Variants in GBE1 observed in about 807,000 individuals in gnomAD.
GBE1 encodes 1,4-alpha-glucan branching enzyme 1, also known as 1,4-alpha-glucan-branching enzyme.
In GBE1, 70 loss-of-function variants were observed where a neutral mutation model predicts 88.8. The ratio of observed to expected loss-of-function variants is 0.79; its 90% CI spans 0.65 to 0.96. The LOEUF is 0.96. Ranked by LOEUF, GBE1 falls within the 40% of genes least tolerant of loss-of-function variation. The pLI, the probability that GBE1 is intolerant of heterozygous loss-of-function variation, is 0.00. For synonymous variants in GBE1, 284 were observed against 300.1 expected, an observed-to-expected ratio of 0.95 and a Z score of 0.56; for missense variants, 872 against 871.0, an observed-to-expected ratio of 1.00 and a Z score of -0.01.
At chr3:81,721,220 T>TAAATAAAC (rs1706026910) in intron 1 of GBE1, among the ~76,000 whole-genome samples, 2 of 68,084 alleles carry the variant, frequency 2.9e-5, no homozygotes, top group African/African-American at 8.1e-5. Context: ...AATAAATAAA[T>TAAATAAAC]AAATAAATAA....
At chr3:81,649,106 A>C in intron 4 of GBE1, 115 bp from the exon 5 acceptor site, 7 of 715,496 alleles carry the variant, frequency 9.8e-6, no homozygotes, top group Non-Finnish European at 1.5e-5. Context: ...AACTATTCTC[A>C]CATATAAAAG....
intron 1 of GBE1, among the ~76,000 whole-genome samples, chr3:81,736,253 AT>A (rs1706256512): frequency 6.6e-6 from 1 of 152,166 alleles, no homozygotes; most frequent in Non-Finnish European, 1.5e-5. Flanking sequence ...TAATAAATGT[AT>A]TGTGCCATTT....
At position 81,755,917 on chromosome 3, in the gene GBE1, T is replaced by C. The variant is rs2680242; in HGVS notation, c.143+5458A>G. Among the ~76,000 whole-genome samples the C allele has an allele frequency of 8.1e-3, 1,238 of 152,152 alleles. 13 individuals are homozygous for C. The highest frequency in any genetic ancestry group is 0.029 in the African/African-American group (1,182 of 41,446). On this transcript the variant is annotated intron_variant, in intron 1 of 15. Transcript: ENST00000429644. ...AATGGTAAAAATGGTGAATTATATATGTACATTTTACCTCAATACAATTTT... is the reference window on the plus strand; with the variant it reads ...AATGGTAAAAATGGTGAATTATATACGTACATTTTACCTCAATACAATTTT...
intron 15 of GBE1, among the ~76,000 whole-genome samples, chr3:81,497,732 A>C (rs1046156650): frequency 2.6e-5 from 4 of 152,136 alleles, no homozygotes; most frequent in African/African-American, 9.7e-5. Flanking sequence ...TCCATCAGTG[A>C]AAGTTCAGTT....
intron 12 of GBE1, among the ~76,000 whole-genome samples, chr3:81,543,971 T>C (rs1356801945): frequency 6.6e-6 from 1 of 152,186 alleles, no homozygotes; most frequent in Non-Finnish European, 1.5e-5. Flanking sequence ...TTGGGGCTCA[T>C]GCATTTCTAA....
At chr3:81,643,620 AC>A (rs1180339921) in intron 6 of GBE1, among the ~76,000 whole-genome samples, 1 of 152,174 alleles carries the variant, frequency 6.6e-6, no homozygotes, top group African/African-American at 2.4e-5. Context: ...TAAAATTTTG[AC>A]ATTATAGTCA....
chr3:81,704,163 ATATAATT>A (rs1185942809), intron 2 of GBE1, among the ~76,000 whole-genome samples: 1 of 151,928 alleles, frequency 6.6e-6, no homozygotes. Context: ...TACTAGGTAA[ATATAATT>A]TATTATTAAA....
At chr3:81,663,672 C>G (rs1419436456) in intron 3 of GBE1, among the ~76,000 whole-genome samples, 1 of 152,168 alleles carries the variant, frequency 6.6e-6, no homozygotes, top group Non-Finnish European at 1.5e-5. Context: ...CTGGTTAACA[C>G]AAGCAGCATA....
intron 12 of GBE1, among the ~76,000 whole-genome samples, chr3:81,569,219 G>A (rs1436247906): frequency 6.6e-6 from 1 of 151,662 alleles, no homozygotes; most frequent in African/African-American, 2.4e-5. Flanking sequence ...CACTAATAAG[G>A]GTAAACAATA....
Position 81,656,186 on chromosome 3 carries a change from T to C in GBE1, c.430-6265A>G, listed in dbSNP as rs188328005. ...ACGCCAAGAATCTGTGAATGATACCTTCTGTGACAAAAGAAGGTCTTTGCA... is the reference window on the plus strand; with the variant it reads ...ACGCCAAGAATCTGTGAATGATACCCTCTGTGACAAAAGAAGGTCTTTGCA... On this transcript the variant is annotated intron_variant, in intron 3 of 15. Coordinates refer to ENST00000429644, the MANE Select transcript of GBE1 (RefSeq NM_000158.4). Among the ~76,000 whole-genome samples, 76 of 152,298 alleles carry C rather than the reference T, an allele frequency of 5.0e-4. No homozygotes were observed. The East Asian group carries it at 5.8e-3, about 12-fold the overall frequency.
chr3:81,527,556 G>C (rs1171205057), intron 14 of GBE1, among the ~76,000 whole-genome samples: 1 of 152,154 alleles, frequency 6.6e-6, no homozygotes, highest in Non-Finnish European at 1.5e-5. Context: ...AATGGGCGAA[G>C]GATATGAACA....
intron 7 of GBE1, among the ~76,000 whole-genome samples, chr3:81,607,709 T>A (rs1204100428): frequency 6.6e-6 from 1 of 152,200 alleles, no homozygotes; most frequent in Non-Finnish European, 1.5e-5. Flanking sequence ...TTTGTCAAAA[T>A]GTTTCCCAGT....
chr3:81,549,245 G>A (rs978413412), intron 12 of GBE1, among the ~76,000 whole-genome samples: 2 of 151,048 alleles, frequency 1.3e-5, no homozygotes, highest in African/African-American at 4.8e-5. Flanking sequence ...GGCCAGGCTG[G>A]TCTCGAACTC....
intron 14 of GBE1, among the ~76,000 whole-genome samples, chr3:81,533,445 ATGCTC>A (rs1280105536): frequency 6.6e-6 from 1 of 152,058 alleles, no homozygotes; most frequent in Admixed American, 6.6e-5. Flanking sequence ...CCTCTCCTAG[ATGCTC>A]TGATGTTATG....
intron 2 of GBE1, among the ~76,000 whole-genome samples, chr3:81,673,262 T>C (rs1705213427): frequency 6.6e-6 from 1 of 151,924 alleles, no homozygotes; most frequent in Admixed American, 6.6e-5. Flanking sequence ...GCAGATCTTT[T>C]CCCGGTTAGG....
At chr3:81,540,229 T>C (rs1703127151) in intron 12 of GBE1, among the ~76,000 whole-genome samples, 2 of 152,168 alleles carry the variant, frequency 1.3e-5, no homozygotes, top group Middle Eastern at 6.8e-3. Flanking sequence ...CAATCTATAT[T>C]ACATTCCAGA....
At chr3:81,500,667 T>C (rs1441487001) in intron 14 of GBE1, among the ~76,000 whole-genome samples, 1 of 152,208 alleles carries the variant, frequency 6.6e-6, no homozygotes, top group Non-Finnish European at 1.5e-5. Flanking sequence ...AATCACTGAC[T>C]GGTAGTCATG....
At chr3:81,542,028 A>G (rs1336367323) in intron 12 of GBE1, among the ~76,000 whole-genome samples, 3 of 152,064 alleles carry the variant, frequency 2.0e-5, no homozygotes, top group African/African-American at 7.2e-5. Context: ...TCTTTTGATA[A>G]ACATTGTATT....
At chr3:81,571,212 C>T (rs1318296034) in intron 12 of GBE1, among the ~76,000 whole-genome samples, 2 of 152,104 alleles carry the variant, frequency 1.3e-5, no homozygotes, top group South Asian at 2.1e-4. Context: ...TACTTATTTC[C>T]TCCTTTTATT....
Sources: gnomAD v4.1 joint callset for allele counts (sites outside exome capture counted in the v4.1 genomes callset) on GRCh38, gnomAD v4.1.1 for gene constraint, MANE v1.5 for transcripts, NCBI Gene and HGNC (gene_info 2026-07-23, HGNC 2026-07-21) for gene names.